Variants in LEPROTL1 observed in about 807,000 individuals in gnomAD.
The protein encoded by LEPROTL1 is leptin receptor overlapping transcript like 1.
In LEPROTL1, 6 loss-of-function variants were observed where a neutral mutation model predicts 15.4. The observed-to-expected ratio is 0.39, with a 90% CI of 0.21 to 0.77. The LOEUF (loss-of-function observed/expected upper bound fraction) is 0.77. Among genes scored for constraint, LEPROTL1 ranks in the 30% least tolerant of loss-of-function variants. LEPROTL1 has a pLI of 0.41. For missense variants in LEPROTL1, 128 were observed against 158.1 expected (o/e 0.81, Z 1.02); for synonymous variants, 56 against 52.6 (o/e 1.06, Z -0.28).
Position 30,107,027 on chromosome 8 carries a change from A to C in LEPROTL1, c.*1165A>C, listed in dbSNP as rs907943064. On this transcript the variant is annotated 3_prime_UTR_variant, in exon 4 of 4. Coordinates refer to ENST00000321250, the MANE Select transcript of LEPROTL1 (RefSeq NM_015344.3). Reference sequence around the variant, plus strand: ...AGATAATTCATGCATTAACAGTTTAAGATTTAGACCATGGTAATAGTAGTT... The same window carrying C: ...AGATAATTCATGCATTAACAGTTTACGATTTAGACCATGGTAATAGTAGTT... The C allele has an allele frequency of 5.1e-6, 5 of 979,834 alleles. No homozygotes were observed. The highest frequency in any genetic ancestry group is 6.1e-6 in the Non-Finnish European group (5 of 824,904). 60.7% of individuals were successfully genotyped at this position (979,834 alleles called of 1,614,324 possible).
At chr8:30,097,434 A>C (rs1802384596) in intron 1 of LEPROTL1, among the ~76,000 whole-genome samples, 1 of 151,992 alleles carries the variant, frequency 6.6e-6, no homozygotes, top group South Asian at 2.1e-4. Context: ...GCACTTTGGG[A>C]GGCCGAGACG....
intron 3 of LEPROTL1, among the ~76,000 whole-genome samples, chr8:30,105,541 TTATA>T (rs1175118081): frequency 6.8e-6 from 1 of 148,042 alleles, no homozygotes; most frequent in East Asian, 1.9e-4. Flanking sequence ...CTGTATATAT[TTATA>T]TATATTTATA....
downstream of LEPROTL1, among the ~76,000 whole-genome samples, chr8:30,111,698 C>G (rs1250682539): frequency 6.6e-6 from 1 of 152,118 alleles, no homozygotes; most frequent in African/African-American, 2.4e-5. Flanking sequence ...CATCTCCAAG[C>G]CAAGAGAGAA....
intron 4 of LEPROTL1, among the ~76,000 whole-genome samples, chr8:30,136,400 C>A (rs1169426842): frequency 6.6e-6 from 1 of 152,216 alleles, no homozygotes; most frequent in African/African-American, 2.4e-5. Context: ...CCCAGCCCTG[C>A]TGACGTCATC....
intron 1 of LEPROTL1, among the ~76,000 whole-genome samples, chr8:30,101,405 C>T (rs1215542141): frequency 2.6e-5 from 4 of 152,146 alleles, no homozygotes; most frequent in Admixed American, 2.0e-4. Flanking sequence ...TGGTGGCTCA[C>T]GCCTGTAATC....
At chr8:30,112,246 C>CT (rs1178296712), downstream of LEPROTL1, among the ~76,000 whole-genome samples, 1 of 151,606 alleles carries the variant, frequency 6.6e-6, no homozygotes, top group East Asian at 1.9e-4. Flanking sequence ...TTTTTCTTTT[C>CT]TTTCTTTGAG....
At chr8:30,120,937 C>G (rs371834210) in intron 3 of LEPROTL1, among the ~76,000 whole-genome samples, 9 of 152,188 alleles carry the variant, frequency 5.9e-5, no homozygotes, top group African/African-American at 2.2e-4. Flanking sequence ...CAGCAGATCT[C>G]TAGAACTTTT....
chr8:30,116,070 G>T (rs1802737172), intron 3 of LEPROTL1, among the ~76,000 whole-genome samples: 1 of 152,072 alleles, frequency 6.6e-6, no homozygotes, highest in East Asian at 1.9e-4. Flanking sequence ...GCAAAACCCT[G>T]TCTCTACATA....
At chr8:30,131,723 G>A in intron 3 of LEPROTL1, 1 of 478,768 alleles carries the variant, frequency 2.1e-6, no homozygotes, top group Non-Finnish European at 3.7e-6. Flanking sequence ...AACCTTAAGG[G>A]AAGAAACCAC....
chr8:30,107,322 G>C lies in LEPROTL1; in HGVS notation c.*1460G>C. ...TAATAATTATCAGGACTTTTTTCAG[G>C]AGTGGGTTATAAAAACATTCAAGTT... On this transcript the variant is annotated 3_prime_UTR_variant, in exon 4 of 4. Coordinates refer to ENST00000321250, the MANE Select transcript of LEPROTL1 (RefSeq NM_015344.3). The C allele has an allele frequency of 1.0e-6, 1 of 985,682 alleles. No homozygotes were observed. The highest frequency in any genetic ancestry group is 1.2e-6 in the Non-Finnish European group (1 of 829,852). The allele number at this position is 985,682 out of a possible 1,614,324, so 61.1% of individuals were successfully genotyped here.
rs559129855 is a variant in LEPROTL1, at chr8:30,107,348, G to T, written c.*1486G>T. Reference sequence around the variant, plus strand: ...AGTGGGTTATAAAAACATTCAAGTTGGTCTGACAGTATTTTGTTAAGGATA... The same window carrying T: ...AGTGGGTTATAAAAACATTCAAGTTTGTCTGACAGTATTTTGTTAAGGATA... On this transcript the variant is annotated 3_prime_UTR_variant, in exon 4 of 4. Coordinates refer to ENST00000321250, the MANE Select transcript of LEPROTL1 (RefSeq NM_015344.3). The T allele has an allele frequency of 2.0e-4, 200 of 985,436 alleles. No individual in the cohort carries two copies. The African/African-American group carries it at 3.3e-3, about 16-fold the overall frequency. 61.0% of individuals were successfully genotyped at this position (985,436 alleles called of 1,614,324 possible).
At chr8:30,129,896 C>T (rs78122417) in intron 3 of LEPROTL1, among the ~76,000 whole-genome samples, 14 of 152,136 alleles carry the variant, frequency 9.2e-5, no homozygotes, top group Admixed American at 4.6e-4. Context: ...GCAGGAGGCA[C>T]GTTTTACATG....
downstream of LEPROTL1, among the ~76,000 whole-genome samples, chr8:30,110,552 A>G (rs997305612): frequency 2.6e-5 from 4 of 151,966 alleles, no homozygotes; most frequent in African/African-American, 9.7e-5. Context: ...TGGCCAACAT[A>G]GTGAAACCCC....
chr8:30,120,953 T>A (rs1366738220), intron 3 of LEPROTL1, among the ~76,000 whole-genome samples: 1 of 152,224 alleles, frequency 6.6e-6, no homozygotes, highest in African/African-American at 2.4e-5. Flanking sequence ...CTTTTTCATC[T>A]CGCATGACAA....
chr8:30,115,506 G>A (rs965321476), intron 3 of LEPROTL1, among the ~76,000 whole-genome samples: 12 of 149,758 alleles, frequency 8.0e-5, no homozygotes, highest in African/African-American at 2.7e-4. Flanking sequence ...CCAAGTAGCT[G>A]GGACTACAGG....
chr8:30,100,044 C>G (rs921212943), intron 1 of LEPROTL1, among the ~76,000 whole-genome samples: 1 of 152,168 alleles, frequency 6.6e-6, no homozygotes, highest in African/African-American at 2.4e-5. Context: ...CTTGAAGTGC[C>G]TCGTTTGCTG....
At chr8:30,103,621 A>G (rs911210744) in intron 2 of LEPROTL1, among the ~76,000 whole-genome samples, 5 of 151,840 alleles carry the variant, frequency 3.3e-5, no homozygotes, top group African/African-American at 9.7e-5. Flanking sequence ...CACGCCTGTA[A>G]TCCCAGCTAG....
intron 3 of LEPROTL1, among the ~76,000 whole-genome samples, chr8:30,129,688 C>G (rs181931055): frequency 1.0e-4 from 15 of 147,908 alleles, no homozygotes; most frequent in Middle Eastern, 6.8e-3. Flanking sequence ...GCACTCCAGC[C>G]TGGGTGACAG....
downstream of LEPROTL1, among the ~76,000 whole-genome samples, chr8:30,111,312 C>CATTTACTA (rs1353536287): frequency 3.1e-4 from 47 of 152,242 alleles, no homozygotes; most frequent in African/African-American, 1.0e-3. Flanking sequence ...TGATGTTTGT[C>CATTTACTA]ATTTACTAAT....
Sources: allele counts gnomAD v4.1 joint callset (sites outside exome capture counted in the v4.1 genomes callset), GRCh38; gene constraint gnomAD v4.1.1; transcripts MANE v1.5; gene names NCBI Gene and HGNC (gene_info 2026-07-23, HGNC 2026-07-21).